Variants in PPP2R2C observed in about 807,000 individuals in gnomAD.
PPP2R2C encodes protein phosphatase 2 regulatory subunit Bgamma, also known as protein phosphatase 2, regulatory subunit B, gamma.
In PPP2R2C, 10 loss-of-function variants were observed where a neutral mutation model predicts 45.3. The ratio of observed to expected loss-of-function variants is 0.22; its 90% CI spans 0.14 to 0.37. The LOEUF (loss-of-function observed/expected upper bound fraction) is 0.37, where lower values mean the gene tolerates loss of function less well. PPP2R2C is among the 10% of genes least tolerant of loss of function. PPP2R2C has a pLI of 1.00. For missense variants in PPP2R2C, 308 were observed against 619.7 expected (o/e 0.50, Z 5.34); for synonymous variants, 257 against 245.4 (o/e 1.05, Z -0.44).
chr4:6,409,470 G>A (rs953465059), intron 1 of PPP2R2C, among the ~76,000 whole-genome samples: 3 of 152,116 alleles, frequency 2.0e-5, no homozygotes, highest in Admixed American at 6.5e-5. Context: ...AGAACCCCAC[G>A]CCCCAAATAA....
At chr4:6,452,862 C>G (rs867919048) in intron 1 of PPP2R2C, among the ~76,000 whole-genome samples, 1 of 152,226 alleles carries the variant, frequency 6.6e-6, no homozygotes, top group Admixed American at 6.5e-5. Context: ...CCAGCTCTGT[C>G]CCACAGAGAA....
intron 6 of PPP2R2C, among the ~76,000 whole-genome samples, chr4:6,340,234 G>A (rs1303324939): frequency 6.6e-6 from 1 of 152,096 alleles, no homozygotes; most frequent in East Asian, 1.9e-4. Flanking sequence ...TTGCACACAA[G>A]AGCCCACCCC....
Position 6,529,095 on chromosome 4 carries a change from G to C in PPP2R2C, c.49+6176C>G, listed in dbSNP as rs149101704. Among the ~76,000 whole-genome samples, 1,040 of 152,354 alleles carry C rather than the reference G, an allele frequency of 6.8e-3. 8 individuals are homozygous for C. The highest frequency in any genetic ancestry group is 0.023 in the African/African-American group (966 of 41,580). On this transcript the variant is annotated intron_variant, in intron 2 of 9. Coordinates refer to the PPP2R2C transcript ENST00000506140. ...TCATGTCTCCATAGGCAGATGGCTTGGCTGGGACCTCACAGGGACAGGGAA... is the reference window on the plus strand; with the variant it reads ...TCATGTCTCCATAGGCAGATGGCTTCGCTGGGACCTCACAGGGACAGGGAA...
chr4:6,334,326 T>C (rs73075107), intron 6 of PPP2R2C, among the ~76,000 whole-genome samples: 16,049 of 152,168 alleles, frequency 0.11, 2,680 homozygotes, highest in African/African-American at 0.35. Context: ...CTGTATGCCA[T>C]CCACTGACCA....
At chr4:6,530,863 C>T (rs571309169) in intron 2 of PPP2R2C, among the ~76,000 whole-genome samples, 27 of 152,346 alleles carry the variant, frequency 1.8e-4, no homozygotes, top group African/African-American at 5.1e-4. Flanking sequence ...TTTCTACAGG[C>T]GCATAGGGTG....
intron 1 of PPP2R2C, 198 bp from the exon 2 acceptor site, chr4:6,381,292 T>G: frequency 6.5e-7 from 1 of 1,528,296 alleles, no homozygotes; most frequent in South Asian, 1.2e-5. Context: ...TCCTCTTCCC[T>G]CTGCACTGGC....
intron 6 of PPP2R2C, among the ~76,000 whole-genome samples, chr4:6,337,527 G>A (rs1733073852): frequency 6.6e-6 from 1 of 152,114 alleles, no homozygotes. Flanking sequence ...CTCACAGGCT[G>A]ACTTCCGGAG....
intron 1 of PPP2R2C, chr4:6,382,982 A>C (rs1380175522): frequency 1.7e-5 from 18 of 1,076,026 alleles, no homozygotes; most frequent in South Asian, 1.1e-4. Context: ...GGTGGGCCGC[A>C]TCTGGAGCCA....
chr4:6,437,044 T>C (rs181021110), intron 1 of PPP2R2C, among the ~76,000 whole-genome samples: 10 of 152,324 alleles, frequency 6.6e-5, no homozygotes, highest in Admixed American at 5.9e-4. Context: ...TTGTAAGAGC[T>C]GTCCAATGCA....
At chr4:6,336,522 G>A (rs999271466) in intron 6 of PPP2R2C, among the ~76,000 whole-genome samples, 7 of 151,974 alleles carry the variant, frequency 4.6e-5, no homozygotes, top group African/African-American at 1.7e-4. Flanking sequence ...AGGAGGAGGG[G>A]GTTGCAGCCA....
At chr4:6,511,721 T>C (rs1292737080) in intron 2 of PPP2R2C, among the ~76,000 whole-genome samples, 12 of 62,476 alleles carry the variant, frequency 1.9e-4, no homozygotes, top group Admixed American at 4.3e-4. Flanking sequence ...GTGATGGTGG[T>C]GATGGTGGTG....
At chr4:6,505,471 C>A (rs1236600893) in intron 2 of PPP2R2C, among the ~76,000 whole-genome samples, 1 of 152,196 alleles carries the variant, frequency 6.6e-6, no homozygotes, top group East Asian at 1.9e-4. Flanking sequence ...ATAATCCATT[C>A]GATAGCCATA....
intron 1 of PPP2R2C, among the ~76,000 whole-genome samples, chr4:6,435,465 G>A (rs1313380104): frequency 6.6e-6 from 1 of 152,152 alleles, no homozygotes; most frequent in East Asian, 1.9e-4. Flanking sequence ...ATTATGTACA[G>A]TTGATATTTT....
chr4:6,369,450 T>A (rs1362624629), intron 5 of PPP2R2C, among the ~76,000 whole-genome samples: 1 of 152,200 alleles, frequency 6.6e-6, no homozygotes, highest in East Asian at 1.9e-4. Context: ...CAAAAGAAAA[T>A]TACTTCGGCA....
At chr4:6,463,399 A>C (rs115964896) in intron 1 of PPP2R2C, among the ~76,000 whole-genome samples, 4,377 of 152,318 alleles carry the variant, frequency 0.029, 219 homozygotes, top group African/African-American at 0.1. Context: ...GCCAGCCTGG[A>C]GGAGGCCCTT....
rs529065416 is a variant in PPP2R2C, at chr4:6,372,452, A to G, written c.625+71T>C. 49 of 1,534,994 alleles carry G rather than the reference A, an allele frequency of 3.2e-5. 1 individual carries two copies. The South Asian group carries it at 5.3e-4, about 17-fold the overall frequency. ...CCCCAAACCAGCTGTCTGCCAATCA[A>G]ACCAAACCCACCACCCAACGGAAGC... On this transcript the variant is annotated intron_variant, in intron 5 of 8. Coordinates refer to ENST00000382599, the MANE Select transcript of PPP2R2C (RefSeq NM_020416.4).
intron 5 of PPP2R2C, chr4:6,348,942 C>T (rs1410091829): frequency 1.9e-5 from 17 of 915,132 alleles, no homozygotes; most frequent in Non-Finnish European, 2.2e-5. Flanking sequence ...CACTAGAGCA[C>T]AGAGAAGATG....
At chr4:6,427,375 G>C (rs1434396301) in intron 1 of PPP2R2C, among the ~76,000 whole-genome samples, 1 of 152,192 alleles carries the variant, frequency 6.6e-6, no homozygotes, top group Non-Finnish European at 1.5e-5. Context: ...CCTTGGTCCT[G>C]CCATTTGCAA....
chr4:6,524,706 C>T (rs1183153853), intron 2 of PPP2R2C, among the ~76,000 whole-genome samples: 3 of 152,174 alleles, frequency 2.0e-5, no homozygotes, highest in African/African-American at 7.2e-5. Flanking sequence ...AGTCAGGCTT[C>T]CGTTAATCAC....
Sources: allele counts gnomAD v4.1 joint callset (sites outside exome capture counted in the v4.1 genomes callset), GRCh38; gene constraint gnomAD v4.1.1; transcripts MANE v1.5; gene names NCBI Gene and HGNC (gene_info 2026-07-23, HGNC 2026-07-21).